Variants in PREPL observed in about 807,000 individuals in gnomAD.
PREPL encodes the protein prolyl endopeptidase-like.
In PREPL, 77 loss-of-function variants were observed where a neutral mutation model predicts 70.6. The ratio of observed to expected loss-of-function variants is 1.09; its 90% CI spans 0.91 to 1.32. The LOEUF (loss-of-function observed/expected upper bound fraction) is 1.32, where lower values mean the gene tolerates loss of function less well. Among genes scored for constraint, PREPL ranks in the 40% most tolerant of loss-of-function variants. The pLI, the probability that PREPL is intolerant of heterozygous loss-of-function variation, is 0.00. For synonymous variants in PREPL, 315 were observed against 264.8 expected (o/e 1.19, Z -1.84); for missense variants, 1,002 against 778.2 (o/e 1.29, Z -3.42).
At chr2:44,339,967 T>G (rs915547285) in intron 5 of PREPL, among the ~76,000 whole-genome samples, 3 of 152,074 alleles carry the variant, frequency 2.0e-5, no homozygotes, top group Non-Finnish European at 4.4e-5. Flanking sequence ...AACATTAACA[T>G]AGCTATTTTA....
At position 44,318,169 on chromosome 2, in the gene PREPL, C is replaced by A; in HGVS notation, c.*3187G>T. The A allele has an allele frequency of 2.3e-6, 1 of 434,400 alleles. No homozygotes were observed. Among genetic ancestry groups the A allele is most frequent in the Admixed American group, 2.5e-5 (1 of 39,406 alleles). 26.9% of individuals were successfully genotyped at this position (434,400 alleles called of 1,614,324 possible). On this transcript the variant is annotated 3_prime_UTR_variant, in exon 14 of 14. Transcript: ENST00000409411. The stretch of plus-strand genomic sequence containing the variant: ...GCAGTGGCGTGATCTCGGCACACTG[C>A]AGCCTCTGCTTCCTGGGTTCAAGTG...
intron 7 of PREPL, 92 bp from the exon 8 acceptor site, chr2:44,332,748 G>T: frequency 2.0e-6 from 2 of 1,015,394 alleles, no homozygotes; most frequent in Non-Finnish European, 2.8e-6. Context: ...AAGATGATGT[G>T]GATATCTCGT....
chr2:44,358,034 C>T (rs948798216), intron 1 of PREPL, among the ~76,000 whole-genome samples: 1 of 152,052 alleles, frequency 6.6e-6, no homozygotes, highest in Non-Finnish European at 1.5e-5. Context: ...GCAAAAGAGA[C>T]ACACACAACA....
chr2:44,347,586 T>C (rs1675963655), intron 1 of PREPL, among the ~76,000 whole-genome samples: 1 of 152,230 alleles, frequency 6.6e-6, no homozygotes. Flanking sequence ...ACAATTTGGA[T>C]AAAGCAAAAC....
chr2:44,347,110 C>T (rs1055686788), intron 1 of PREPL: 19 of 152,314 alleles, frequency 1.2e-4, no homozygotes, highest in African/African-American at 4.1e-4. Context: ...GAGAATGGAT[C>T]ACTTGAGCCC....
chr2:44,330,746 T>C (rs1302618858), intron 8 of PREPL, among the ~76,000 whole-genome samples: 3 of 152,248 alleles, frequency 2.0e-5, no homozygotes, highest in African/African-American at 7.2e-5. Flanking sequence ...TATGCTAAAG[T>C]CTGAGGTTTC....
At chr2:44,355,470 G>C (rs1676926672) in intron 1 of PREPL, among the ~76,000 whole-genome samples, 1 of 152,266 alleles carries the variant, frequency 6.6e-6, no homozygotes, top group Admixed American at 6.5e-5. Flanking sequence ...AATCACTTGA[G>C]CCTGGGAGGT....
At chr2:44,344,109 C>T (rs1461014788) in intron 3 of PREPL, among the ~76,000 whole-genome samples, 158 bp from the exon 4 acceptor site, 5 of 152,170 alleles carry the variant, frequency 3.3e-5, no homozygotes, top group Admixed American at 3.3e-4. Context: ...CATCAACTGA[C>T]AATAAGTTAT....
At chr2:44,331,382 T>G (rs1312403314) in intron 8 of PREPL, among the ~76,000 whole-genome samples, 3 of 151,934 alleles carry the variant, frequency 2.0e-5, no homozygotes, top group Admixed American at 1.3e-4. Flanking sequence ...ACCCGGCTAA[T>G]TTTTTGTATT....
intron 1 of PREPL, among the ~76,000 whole-genome samples, chr2:44,351,734 TATC>T (rs1676464858): frequency 6.6e-6 from 1 of 152,224 alleles, no homozygotes; most frequent in African/African-American, 2.4e-5. Context: ...ACTTGGCTAG[TATC>T]ATCATCATTT....
At chr2:44,347,597 C>A (rs548997426) in intron 1 of PREPL, among the ~76,000 whole-genome samples, 10 of 152,260 alleles carry the variant, frequency 6.6e-5, no homozygotes, top group African/African-American at 2.4e-4. Context: ...AAAGCAAAAC[C>A]TGTTATCAAA....
chr2:44,330,456 A>G (rs1299794322), intron 8 of PREPL, among the ~76,000 whole-genome samples: 2 of 152,306 alleles, frequency 1.3e-5, no homozygotes, highest in East Asian at 3.9e-4. Flanking sequence ...TTGTAAAACC[A>G]AATAAAACCT....
intron 1 of PREPL, chr2:44,360,028 T>C (rs574837423): frequency 2.4e-5 from 6 of 249,188 alleles, no homozygotes; most frequent in African/African-American, 1.1e-4. Context: ...CTGGCACACA[T>C]AGGGGTTAAA....
intron 1 of PREPL, among the ~76,000 whole-genome samples, chr2:44,360,891 G>A (rs1365334120): frequency 2.0e-5 from 3 of 152,166 alleles, no homozygotes; most frequent in African/African-American, 4.8e-5. Context: ...GGTATCAAAG[G>A]TAGAATGCTG....
intron 1 of PREPL, among the ~76,000 whole-genome samples, chr2:44,356,560 CAA>C (rs1677069474): frequency 1.3e-5 from 2 of 151,460 alleles, no homozygotes; most frequent in Non-Finnish European, 2.9e-5. Context: ...AACAAACAAA[CAA>C]ACAAACAACA....
intron 1 of PREPL, among the ~76,000 whole-genome samples, chr2:44,350,706 C>T (rs1676324550): frequency 6.6e-6 from 1 of 152,132 alleles, no homozygotes; most frequent in African/African-American, 2.4e-5. Context: ...TCTCTAGAGC[C>T]CAGACTTTTG....
intron 13 of PREPL, 78 bp downstream of exon 13, chr2:44,321,749 G>T: frequency 6.2e-7 from 1 of 1,612,016 alleles, no homozygotes; most frequent in Non-Finnish European, 8.5e-7. Flanking sequence ...TCATAAACCT[G>T]CTGCAACCAC....
At chr2:44,350,156 T>C (rs1231849393) in intron 1 of PREPL, among the ~76,000 whole-genome samples, 1 of 152,114 alleles carries the variant, frequency 6.6e-6, no homozygotes, top group East Asian at 1.9e-4. Flanking sequence ...AAAAAATCAA[T>C]CTTATTCTAA....
Position 44,320,848 on chromosome 2 carries a change from C to T in PREPL, c.*508G>A. The stretch of plus-strand genomic sequence containing the variant: ...AATTATGGCTTATAGGAGCTTATAA[C>T]TTTATTCAGATAGCATCAATCAGGG... On this transcript the variant is annotated 3_prime_UTR_variant, in exon 14 of 14. Transcript: ENST00000409411. The T allele has an allele frequency of 1.7e-6, 1 of 579,994 alleles. No individual in the cohort carries two copies. The highest frequency in any genetic ancestry group is 3.1e-6 in the Non-Finnish European group (1 of 327,178). 35.9% of individuals were successfully genotyped at this position (579,994 alleles called of 1,614,324 possible). A position where few individuals can be genotyped will look rare whatever the true frequency, so the allele number is the denominator to read the frequency against.
Sources: allele counts gnomAD v4.1 joint callset (sites outside exome capture counted in the v4.1 genomes callset), GRCh38; gene constraint gnomAD v4.1.1; transcripts MANE v1.5; gene names NCBI Gene and HGNC (gene_info 2026-07-23, HGNC 2026-07-21).